Variants in ZNF135 observed in about 807,000 individuals in gnomAD.
The protein encoded by ZNF135 is zinc finger protein 135.
In ZNF135, 11 loss-of-function variants were observed where a neutral mutation model predicts 12.3. That is an observed-to-expected ratio of 0.89 (90% CI 0.56 to 1.48). The LOEUF is 1.48. Ranked by LOEUF, ZNF135 falls within the 40% of genes most tolerant of loss-of-function variation. ZNF135 has a pLI of 0.00. For synonymous variants in ZNF135, 316 were observed against 312.0 expected, an observed-to-expected ratio of 1.01 and a Z score of -0.14; for missense variants, 722 against 815.7, an observed-to-expected ratio of 0.89 and a Z score of 1.40.
rs1354412167 is a variant in ZNF135 at position 58,063,538 on chromosome 19, C to G, written c.253C>G (p.Pro85Ala). ...VESRLPQGVYPDLETRPKVKL... is the reference protein window; with the variant it reads ...VESRLPQGVYADLETRPKVKL... ...GTCTAGACTTCCCCAAGGCGTGTAC[C>G]CAGGTGAGATGGGAGCCCTTCGGGG... Residue 85 changes from proline to alanine, a missense_variant, in exon 4 of 5, where the codon CCA becomes GCA. Physicochemically the swap from Pro to Ala is conservative, Grantham distance 27. Transcript: ENST00000313434. The surrounding 1 kb of genome is among the most constrained non-coding windows in gnomAD (Gnocchi z 4.4). 1.2e-6 allele frequency: 2 copies of G among 1,613,964 alleles called. No individual in the cohort carries two copies. The highest frequency in any genetic ancestry group is 1.7e-6 in the Non-Finnish European group (2 of 1,179,994).
intron 3 of ZNF135, among the ~76,000 whole-genome samples, chr19:58,061,969 G>A (rs1197297932): frequency 6.6e-6 from 1 of 152,180 alleles, no homozygotes; most frequent in Non-Finnish European, 1.5e-5. Flanking sequence ...AGAATCCCAG[G>A]GTAGACCAGG....
chr19:58,061,544 G>C, intron 2 of ZNF135, 36 bp from the exon 3 acceptor site: 1 of 1,594,854 alleles, frequency 6.3e-7, no homozygotes, highest in Non-Finnish European at 8.6e-7. Flanking sequence ...CAGTGCCAGG[G>C]TTGGCTTGGC....
In ZNF135 at chr19:58,059,359, C is replaced by CGGGG; in HGVS notation, c.-35+49_-35+50insGGGG. On this transcript the variant is annotated intron_variant, in intron 1 of 4. Transcript: ENST00000313434. This position sits in a 1 kb window ranked among gnomAD's most constrained non-coding sequence, Gnocchi z 6.5. ...GGAGGGGAGGCCAGGCCGGGCCGGGCCGGGCCGGGTGCGGGGGGTCCGGGG... is the reference window on the plus strand; with the variant it reads ...GGAGGGGAGGCCAGGCCGGGCCGGGCGGGGCGGGCCGGGTGCGGGGGGTCCGGGG... 2.6e-6 allele frequency: 3 copies of CGGGG among 1,155,750 alleles called. No individual in the cohort carries two copies. Among genetic ancestry groups the CGGGG allele is most frequent in the Non-Finnish European group, 3.5e-6 (3 of 858,104 alleles). The allele number at this position is 1,155,750 out of a possible 1,614,324, so 71.6% of individuals were successfully genotyped here.
chr19:58,061,715 A>G lies in ZNF135; in HGVS notation c.160+9A>G, dbSNP rs1469086. On this transcript the variant is annotated intron_variant, in intron 3 of 4. Transcript: ENST00000313434. ...GCTTCTGGTCTCTGTGGGTAAGGCCACACCCATGTCCTATCTGTTGATCTG... is the reference window on the plus strand; with the variant it reads ...GCTTCTGGTCTCTGTGGGTAAGGCCGCACCCATGTCCTATCTGTTGATCTG... 155,042 of 1,608,808 alleles carry G rather than the reference A, an allele frequency of 0.096. 8,299 individuals are homozygous for G. Among genetic ancestry groups the G allele is most frequent in the Admixed American group, 0.15 (8,953 of 58,646 alleles).
In ZNF135 at chr19:58,059,426, C is replaced by T. The variant is rs8110363; in HGVS notation, c.-35+116C>T. On this transcript the variant is annotated intron_variant, in intron 1 of 4. Coordinates refer to ENST00000313434, the MANE Select transcript of ZNF135 (RefSeq NM_001289401.2). This position sits in a 1 kb window ranked among gnomAD's most constrained non-coding sequence, Gnocchi z 6.5. ...GGCGGGGCGAGTTTCCAGCAGCGCG[C>T]GTCTGTGTGGAGTCCGTTTTGCTGC... The T allele has an allele frequency of 0.49, 491,860 of 996,932 alleles. 129,468 individuals are homozygous for T. The highest frequency in any genetic ancestry group is 0.55 in the Middle Eastern group (1,565 of 2,832). The allele number at this position is 996,932 out of a possible 1,614,324, so 61.8% of individuals were successfully genotyped here. A position where few individuals can be genotyped will look rare whatever the true frequency, so the allele number is the denominator to read the frequency against.
At position 58,060,270 on chromosome 19, in the gene ZNF135, C is replaced by T. The variant is rs1334500919; in HGVS notation, c.33+235C>T. On this transcript the variant is annotated intron_variant, in intron 2 of 4. Transcript: ENST00000313434. This position sits in a 1 kb window ranked among gnomAD's most constrained non-coding sequence, Gnocchi z 4.9. ...CTGGTGCCCGGCCTCTACTCGTGCCCGGCCTCTATTTGCACATCTAGCCTC... is the reference window on the plus strand; with the variant it reads ...CTGGTGCCCGGCCTCTACTCGTGCCTGGCCTCTATTTGCACATCTAGCCTC... 1 of 800,052 alleles carries T rather than the reference C, an allele frequency of 1.2e-6. No homozygotes were observed. The highest frequency in any genetic ancestry group is 3.3e-5 in the South Asian group (1 of 30,444). 49.6% of individuals were successfully genotyped at this position (800,052 alleles called of 1,614,324 possible).
rs545426316 is a variant in ZNF135 at position 58,061,728 on chromosome 19, A to G, written c.160+22A>G. On this transcript the variant is annotated intron_variant, in intron 3 of 4. Coordinates refer to ENST00000313434, the MANE Select transcript of ZNF135 (RefSeq NM_001289401.2). ...GTGGGTAAGGCCACACCCATGTCCT[A>G]TCTGTTGATCTGTCCCTGACACGGA... is the stretch of plus-strand genomic sequence containing the variant. 5.6e-6 allele frequency: 9 copies of G among 1,592,922 alleles called. No individual in the cohort carries two copies. In the East Asian group the frequency reaches 6.8e-5, roughly 12 times the overall value.
Position 58,061,703 on chromosome 19 carries a change from G to A in ZNF135, c.157G>A (p.Val53Met), listed in dbSNP as rs1232317197. 1 of 1,612,470 alleles carries A rather than the reference G, an allele frequency of 6.2e-7. No homozygotes were observed. Among genetic ancestry groups the A allele is most frequent in the East Asian group, 2.2e-5 (1 of 44,800 alleles). ...GGACACCTTCAGGCTTCTGGTCTCT[G>A]TGGGTAAGGCCACACCCATGTCCTA... The part of the protein sequence containing the change: ...MLDTFRLLVS[V>M]GHWLPKPNVI... Residue 53 changes from valine to methionine, a missense_variant, in exon 3 of 5, where the codon GTG becomes ATG. Transcript: ENST00000313434.
chr19:58,059,929 C>T lies in ZNF135; in HGVS notation c.-34-40C>T. The T allele has an allele frequency of 6.2e-7, 1 of 1,607,348 alleles. No homozygotes were observed. The highest frequency in any genetic ancestry group is 8.5e-7 in the Non-Finnish European group (1 of 1,177,546). On this transcript the variant is annotated intron_variant, in intron 1 of 4. Transcript: ENST00000313434. The surrounding 1 kb of genome is among the most constrained non-coding windows in gnomAD (Gnocchi z 6.5). ...CCCCGGCTTGGGGACCTGAGCACCG[C>T]CTCTGCCTGCCCCAGCTGCTCACCT... is the stretch of plus-strand genomic sequence containing the variant.
rs1160595719 is a variant in ZNF135 at position 58,065,126 on chromosome 19, A to G, written c.256+1585A>G. On this transcript the variant is annotated intron_variant, in intron 4 of 4. Coordinates refer to ENST00000313434, the MANE Select transcript of ZNF135 (RefSeq NM_001289401.2). The surrounding 1 kb of genome is among the most constrained non-coding windows in gnomAD (Gnocchi z 4.0). ...CCACAATGGGTCTAGCTGGAATATA[A>G]TAAAGATGTCAGCAGGGCATCATTC... Among the ~76,000 whole-genome samples the G allele has an allele frequency of 2.0e-5, 3 of 152,212 alleles. No individual in the cohort carries two copies. The highest frequency in any genetic ancestry group is 2.1e-4 in the South Asian group (1 of 4,832).
intron 3 of ZNF135, among the ~76,000 whole-genome samples, chr19:58,062,252 G>A (rs968655967): frequency 6.6e-6 from 1 of 152,108 alleles, no homozygotes; most frequent in African/African-American, 2.4e-5. Flanking sequence ...TTTTATAAGG[G>A]CACTGATCCC....
chr19:58,068,424 C>T lies in ZNF135; in HGVS notation c.1940C>T (p.Ser647Phe). The T allele has an allele frequency of 1.2e-6, 2 of 1,614,084 alleles. No individual in the cohort carries two copies. Among genetic ancestry groups the T allele is most frequent in the Non-Finnish European group, 1.7e-6 (2 of 1,179,964 alleles). Residue 647 changes from serine (S) to phenylalanine (F), a missense_variant, in exon 5 of 5, where the codon TCC (serine) becomes TTC (phenylalanine). Ser to Phe is a radical substitution (Grantham distance 155). Coordinates refer to ENST00000313434, the MANE Select transcript of ZNF135 (RefSeq NM_001289401.2). ...RDCGKAFTHS[S>F]SLTKHQRTHT... ...TGTGGAAAGGCCTTTACCCACAGCT[C>T]CTCCCTTACCAAGCACCAGAGAACT...
In ZNF135 at chr19:58,068,013, C is replaced by T. The variant is rs1196887329; in HGVS notation, c.1529C>T (p.Thr510Ile). ...GKAFSHSSSL[T>I]KHQRIHTGEK... ...GCATTCAGTCACAGCTCGTCCCTCACCAAACATCAGCGAATCCACACTGGG... is the reference window on the plus strand; with the variant it reads ...GCATTCAGTCACAGCTCGTCCCTCATCAAACATCAGCGAATCCACACTGGG... Residue 510 changes from threonine (T) to isoleucine (I), a missense_variant, in exon 5 of 5, where the codon ACC becomes ATC. Physicochemically the swap from Thr to Ile is moderately conservative, Grantham distance 89. Coordinates refer to ENST00000313434, the MANE Select transcript of ZNF135 (RefSeq NM_001289401.2). 1.2e-6 allele frequency: 2 copies of T among 1,613,888 alleles called. No individual in the cohort carries two copies. Among genetic ancestry groups the T allele is most frequent in the Non-Finnish European group, 1.7e-6 (2 of 1,180,014 alleles).
Position 58,059,655 on chromosome 19 carries a change from CT to C in ZNF135, c.-34-313del. 1.9e-6 allele frequency: 1 copy of C among 513,372 alleles called. No homozygotes were observed. The highest frequency in any genetic ancestry group is 3.5e-5 in the East Asian group (1 of 28,692). The allele number at this position is 513,372 out of a possible 1,614,324, so 31.8% of individuals were successfully genotyped here. ...CACCTTTGTTGATGGAAGAGAGAAACTGAGGCATAGTGCCCAGGGCCAGGGG... is the reference window on the plus strand; with the variant it reads ...CACCTTTGTTGATGGAAGAGAGAAACGAGGCATAGTGCCCAGGGCCAGGGG... On this transcript the variant is annotated intron_variant, in intron 1 of 4. Transcript: ENST00000313434. This position sits in a 1 kb window ranked among gnomAD's most constrained non-coding sequence, Gnocchi z 6.5.
At position 58,065,012 on chromosome 19, in the gene ZNF135, CT is replaced by C. The variant is rs1312470323; in HGVS notation, c.256+1472del. ...TTCGATTGTACTGGGGTCAGTGCCC[CT>C]AGCCCCCTCATTGTTCAAGCGTCAA... On this transcript the variant is annotated intron_variant, in intron 4 of 4. Transcript: ENST00000313434. The surrounding 1 kb of genome is among the most constrained non-coding windows in gnomAD (Gnocchi z 4.0). 9.2e-5 allele frequency among the ~76,000 whole-genome samples: 14 copies of C among 152,304 alleles called. No homozygotes were observed. The East Asian group carries it at 2.5e-3, about 27-fold the overall frequency.
At position 58,067,174 on chromosome 19, in the gene ZNF135, C is replaced by T. The variant is rs777098283; in HGVS notation, c.690C>T (p.Ile230=). 8.7e-6 allele frequency: 14 copies of T among 1,613,966 alleles called. No homozygotes were observed. The highest frequency in any genetic ancestry group is 6.7e-5 in the Admixed American group (4 of 60,008). ...CCTTTAGTCACAGCTCAGCACTTAT[C>T]GAACACCACCGGACGCACACAGGAG... The part of the protein sequence containing the change: ...GKAFSHSSAL[I]EHHRTHTGER... The change falls in exon 5 of 5, where the codon ATC becomes ATT. Residue 230 remains isoleucine (I), a synonymous_variant. Transcript: ENST00000313434.
Position 58,059,637 on chromosome 19 carries a change from G to A in ZNF135, c.-35+327G>A, listed in dbSNP as rs966199940. On this transcript the variant is annotated intron_variant, in intron 1 of 4. Coordinates refer to ENST00000313434, the MANE Select transcript of ZNF135 (RefSeq NM_001289401.2). The surrounding 1 kb of genome is among the most constrained non-coding windows in gnomAD (Gnocchi z 6.5). ...CACCGGGCACTGGGCCGCCACCTTT[G>A]TTGATGGAAGAGAGAAACTGAGGCA... 5.9e-6 allele frequency: 3 copies of A among 511,986 alleles called. No homozygotes were observed. The highest frequency in any genetic ancestry group is 2.7e-5 in the South Asian group (1 of 36,710). The allele number at this position is 511,986 out of a possible 1,614,324, so 31.7% of individuals were successfully genotyped here. A position where few individuals can be genotyped will look rare whatever the true frequency, so the allele number is the denominator to read the frequency against.
chr19:58,061,269 ACCTCAG>A (rs1448702611), intron 2 of ZNF135, among the ~76,000 whole-genome samples: 2 of 152,074 alleles, frequency 1.3e-5, no homozygotes, highest in Non-Finnish European at 2.9e-5. Flanking sequence ...TGATCCTCCC[ACCTCAG>A]CCTGTTAAGC....
intron 3 of ZNF135, among the ~76,000 whole-genome samples, chr19:58,062,260 C>G (rs1000100401): frequency 6.6e-6 from 1 of 152,206 alleles, no homozygotes; most frequent in Admixed American, 6.5e-5. Flanking sequence ...GGGCACTGAT[C>G]CCATTCATGA....
Sources: allele counts gnomAD v4.1 joint callset (sites outside exome capture counted in the v4.1 genomes callset), GRCh38; gene constraint gnomAD v4.1.1; non-coding constraint Gnocchi (gnomAD v3.1); transcripts MANE v1.5; gene names NCBI Gene and HGNC (gene_info 2026-07-23, HGNC 2026-07-21).